The following ZNF83 variants were observed in gnomAD, a reference collection of about 807,000 sequenced individuals.
ZNF83 encodes zinc finger protein 816B.
For missense variants in ZNF83, 552 were observed against 629.9 expected, an observed-to-expected ratio of 0.88 and a Z score of 1.32; for synonymous variants, 209 against 213.0, an observed-to-expected ratio of 0.98 and a Z score of 0.17.
At position 52,635,049 on chromosome 19, in the gene ZNF83, C is replaced by T. The variant is rs567344068; in HGVS notation, c.-234+17G>A. 22 of 736,752 alleles carry T rather than the reference C, an allele frequency of 3.0e-5. No individual in the cohort carries two copies. The highest frequency in any genetic ancestry group is 5.2e-5 in the African/African-American group (3 of 57,462). 45.6% of individuals were successfully genotyped at this position (736,752 alleles called of 1,614,324 possible). ...AAAGGAAAGAGACAGAACAATCCAC[C>T]GAGAATATCATCTCACCTGAGGAAG... On this transcript the variant is annotated intron_variant, in intron 2 of 2. Transcript: ENST00000301096.
intron 1 of ZNF83, among the ~76,000 whole-genome samples, chr19:52,682,674 CAAGAAA>C (rs146917472): frequency 0.2 from 29,462 of 149,570 alleles, 3,527 homozygotes; most frequent in East Asian, 0.51. Context: ...TCTCAAAAAA[CAAGAAA>C]AAGAAAAAGA....
At chr19:52,641,147 C>G (rs2061299789), upstream of ZNF83, among the ~76,000 whole-genome samples, 1 of 151,728 alleles carries the variant, frequency 6.6e-6, no homozygotes, top group Admixed American at 6.6e-5. Context: ...CCCAGGCGGC[C>G]TCCTCCCTCT....
At chr19:52,624,447 C>T (rs1301609019) in intron 2 of ZNF83, among the ~76,000 whole-genome samples, 3 of 152,198 alleles carry the variant, frequency 2.0e-5, no homozygotes, top group Non-Finnish European at 1.5e-5. Context: ...TGGTTGGATA[C>T]TTTCACCTTT....
At chr19:52,641,061 A>G (rs2061297654), upstream of ZNF83, among the ~76,000 whole-genome samples, 2 of 144,148 alleles carry the variant, frequency 1.4e-5, no homozygotes, top group Non-Finnish European at 3.0e-5. Flanking sequence ...CCTTCAGAAC[A>G]ACACCCCCTC....
At chr19:52,637,837 G>C (rs958605002) in intron 1 of ZNF83, among the ~76,000 whole-genome samples, 48 of 152,132 alleles carry the variant, frequency 3.2e-4, no homozygotes, top group African/African-American at 1.1e-3. Flanking sequence ...TGGAGCAGCA[G>C]GGCCCGCCAC....
At chr19:52,662,666 C>T (rs560351877) in intron 1 of ZNF83, among the ~76,000 whole-genome samples, 1 of 152,108 alleles carries the variant, frequency 6.6e-6, no homozygotes, top group African/African-American at 2.4e-5. Flanking sequence ...CCAATCATTT[C>T]AGGGGTCAGT....
chr19:52,612,624 C>A, exon 3 of ZNF83: 1 of 183,210 alleles, frequency 5.5e-6, no homozygotes. Flanking sequence ...ATTATAAATG[C>A]TCTTTAGTAT....
intron 1 of ZNF83, among the ~76,000 whole-genome samples, chr19:52,674,621 A>G (rs532673210): frequency 2.6e-5 from 4 of 152,346 alleles, no homozygotes; most frequent in South Asian, 2.1e-4. Context: ...TTTCCATGCA[A>G]TAACAGTAAA....
chr19:52,659,006 G>A (rs1047792816), intron 2 of ZNF83, among the ~76,000 whole-genome samples: 4 of 152,172 alleles, frequency 2.6e-5, no homozygotes, highest in Admixed American at 2.0e-4. Context: ...CAGGCGATTG[G>A]GCACCCAGCA....
intron 1 of ZNF83, among the ~76,000 whole-genome samples, chr19:52,683,529 A>ATCACCT (rs1568585242): frequency 2.0e-4 from 4 of 20,384 alleles, no homozygotes; most frequent in African/African-American, 8.6e-4. Context: ...TCCAAAGGGA[A>ATCACCT]GGGCAAAGTC....
intron 1 of ZNF83, among the ~76,000 whole-genome samples, chr19:52,666,143 A>T (rs534413259): frequency 2.1e-4 from 31 of 147,302 alleles, no homozygotes; most frequent in Non-Finnish European, 4.4e-4. Flanking sequence ...CAGCCTGGGC[A>T]ACAGAGCAAG....
At chr19:52,686,026 T>G (rs2062009760) in intron 1 of ZNF83, among the ~76,000 whole-genome samples, 1 of 151,798 alleles carries the variant, frequency 6.6e-6, no homozygotes, top group African/African-American at 2.4e-5. Context: ...ATGAACTTAA[T>G]AGCTCCCAGC....
At chr19:52,635,238 A>C in intron 1 of ZNF83, 85 bp from the exon 2 acceptor site, 1 of 489,658 alleles carries the variant, frequency 2.0e-6, no homozygotes, top group South Asian at 4.4e-5. Context: ...AGGAGACCTC[A>C]CCCTGAGGAA....
At position 52,644,183 on chromosome 19, in the gene ZNF83, T is replaced by C. The variant is rs544829886; in HGVS notation, c.-73-9030A>G. On this transcript the variant is annotated intron_variant, in intron 3 of 5. Transcript: ENST00000594682. ...AACTCTGTTTCTTCCATTCTTCTTT[T>C]TTTTTTTTTCATTTTTAGGGTACTG... Among the ~76,000 whole-genome samples the C allele has an allele frequency of 2.3e-3, 349 of 152,048 alleles. 1 individual carries two copies. Among genetic ancestry groups the C allele is most frequent in the African/African-American group, 7.2e-3 (299 of 41,532 alleles).
chr19:52,634,910 T>TAA (rs2061095750), intron 2 of ZNF83, among the ~76,000 whole-genome samples, 156 bp downstream of exon 2: 1 of 152,012 alleles, frequency 6.6e-6, no homozygotes, highest in Non-Finnish European at 1.5e-5. Context: ...AGATGGAATC[T>TAA]AAGTGAGATG....
chr19:52,673,974 C>T (rs2061763373), intron 1 of ZNF83, among the ~76,000 whole-genome samples: 2 of 146,952 alleles, frequency 1.4e-5, no homozygotes, highest in South Asian at 4.3e-4. Context: ...CGAGATCATG[C>T]CACTGCCCTG....
At chr19:52,630,237 G>C (rs895833850) in intron 2 of ZNF83, among the ~76,000 whole-genome samples, 2 of 152,200 alleles carry the variant, frequency 1.3e-5, no homozygotes, top group Non-Finnish European at 2.9e-5. Context: ...TCTTGGCTTA[G>C]TGGCTGAAGA....
In ZNF83 at chr19:52,634,983, G is replaced by A. The variant is rs2061098401; in HGVS notation, c.-234+83C>T. The A allele has an allele frequency of 2.0e-5, 13 of 664,306 alleles. No homozygotes were observed. In the East Asian group the frequency reaches 2.8e-4, roughly 14 times the overall value. 41.2% of individuals were successfully genotyped at this position (664,306 alleles called of 1,614,324 possible). A position where few individuals can be genotyped will look rare whatever the true frequency, so the allele number is the denominator to read the frequency against. ...ACCTGTCAGGCAGGACACTTCTTGAGACCCAGAGAAGATTCCCAACTCCAA... is the reference window on the plus strand; with the variant it reads ...ACCTGTCAGGCAGGACACTTCTTGAAACCCAGAGAAGATTCCCAACTCCAA... On this transcript the variant is annotated intron_variant, in intron 2 of 2. Transcript: ENST00000301096.
chr19:52,675,044 C>G (rs1304789087), intron 1 of ZNF83, among the ~76,000 whole-genome samples: 1 of 152,160 alleles, frequency 6.6e-6, no homozygotes, highest in Non-Finnish European at 1.5e-5. Flanking sequence ...TCTGACAAGA[C>G]AGTGAAATGA....
Sources: gnomAD v4.1 joint callset for allele counts (sites outside exome capture counted in the v4.1 genomes callset) on GRCh38, gnomAD v4.1.1 for gene constraint, MANE v1.5 for transcripts, NCBI Gene and HGNC (gene_info 2026-07-23, HGNC 2026-07-21) for gene names.